The following PTPRK variants were observed in gnomAD, a reference collection of about 807,000 sequenced individuals.
PTPRK encodes the protein protein tyrosine phosphatase receptor type K.
Under a neutral mutation model 178.0 loss-of-function variants are expected in PTPRK, and 75 were observed. The ratio of observed to expected loss-of-function variants is 0.42; its 90% CI spans 0.35 to 0.51. The LOEUF (loss-of-function observed/expected upper bound fraction) is 0.51. Ranked by LOEUF, PTPRK falls within the 20% of genes least tolerant of loss-of-function variation. The pLI, the probability that PTPRK is intolerant of heterozygous loss-of-function variation, is 0.02. For synonymous variants in PTPRK, 637 were observed against 620.6 expected (o/e 1.03, Z -0.39); for missense variants, 1,441 against 1,797.8 (o/e 0.80, Z 3.59).
intron 1 of PTPRK, among the ~76,000 whole-genome samples, chr6:128,412,601 G>C (rs1431009818): frequency 6.6e-6 from 1 of 152,242 alleles, no homozygotes; most frequent in East Asian, 1.9e-4. Context: ...TAGGCCAGCA[G>C]CCTCATATGA....
At chr6:128,144,161 T>C (rs1796156078) in intron 7 of PTPRK, among the ~76,000 whole-genome samples, 1 of 152,140 alleles carries the variant, frequency 6.6e-6, no homozygotes, top group Admixed American at 6.6e-5. Flanking sequence ...CCCTCTTCCC[T>C]TCCTCAAACA....
intron 1 of PTPRK, among the ~76,000 whole-genome samples, chr6:128,516,183 G>C (rs1857985657): frequency 6.6e-6 from 1 of 152,148 alleles, no homozygotes; most frequent in Non-Finnish European, 1.5e-5. Flanking sequence ...GAAAAGAGTA[G>C]GAGGGAGTGT....
intron 6 of PTPRK, among the ~76,000 whole-genome samples, chr6:128,215,677 A>G (rs1474810787): frequency 6.6e-6 from 1 of 152,178 alleles, no homozygotes; most frequent in Non-Finnish European, 1.5e-5. Flanking sequence ...TGTAACAAAC[A>G]GCAACAAAAA....
rs189469835 is a variant in PTPRK, at chr6:128,341,557, T to C, written c.224-19247A>G. ...TTTTAATTTTTCTGAAGAAAAACATTTTTTCAAAAAGATGCTTCAAGATAT... is the reference window on the plus strand; with the variant it reads ...TTTTAATTTTTCTGAAGAAAAACATCTTTTCAAAAAGATGCTTCAAGATAT... On this transcript the variant is annotated intron_variant, in intron 2 of 29. Transcript: ENST00000368226. Among the ~76,000 whole-genome samples the C allele has an allele frequency of 1.8e-4, 28 of 152,316 alleles. No individual in the cohort carries two copies. The East Asian group carries it at 5.4e-3, about 29-fold the overall frequency.
At chr6:128,455,759 G>A (rs1456462925) in intron 1 of PTPRK, among the ~76,000 whole-genome samples, 1 of 152,134 alleles carries the variant, frequency 6.6e-6, no homozygotes, top group Non-Finnish European at 1.5e-5. Context: ...TTTTAGAGGA[G>A]AGAAGAACAC....
At chr6:128,103,588 C>T (rs559396130) in intron 7 of PTPRK, among the ~76,000 whole-genome samples, 7 of 152,260 alleles carry the variant, frequency 4.6e-5, no homozygotes, top group Middle Eastern at 6.8e-3. Flanking sequence ...AGCCACACCC[C>T]TGTTGAACAT....
At chr6:128,143,441 TATA>T (rs922821552) in intron 7 of PTPRK, among the ~76,000 whole-genome samples, 3 of 152,210 alleles carry the variant, frequency 2.0e-5, no homozygotes, top group Non-Finnish European at 4.4e-5. Context: ...AACATGGTAC[TATA>T]ATAATACTAC....
intron 1 of PTPRK, among the ~76,000 whole-genome samples, chr6:128,403,571 CA>C (rs1841294072): frequency 6.6e-6 from 1 of 150,914 alleles, no homozygotes. Flanking sequence ...TCCTAACACC[CA>C]ACACAGTTTT....
chr6:128,152,903 A>C (rs766829576), intron 7 of PTPRK, among the ~76,000 whole-genome samples: 2 of 151,998 alleles, frequency 1.3e-5, no homozygotes, highest in African/African-American at 2.4e-5. Context: ...ACATCATCTA[A>C]GTCTAGAGGC....
In PTPRK at chr6:128,311,410, G is replaced by A. The variant is rs186190941; in HGVS notation, c.495+10629C>T. On this transcript the variant is annotated intron_variant, in intron 3 of 29. Transcript: ENST00000368226. ...GCCTCTTCTGAGTGGTCCAAGCACCGAGGAGTCAGACAGAAAAATCTCCCA... is the reference window on the plus strand; with the variant it reads ...GCCTCTTCTGAGTGGTCCAAGCACCAAGGAGTCAGACAGAAAAATCTCCCA... 3.3e-3 allele frequency among the ~76,000 whole-genome samples: 507 copies of A among 152,166 alleles called. 3 individuals are homozygous for A. Among genetic ancestry groups the A allele is most frequent in the Middle Eastern group, 6.8e-3 (2 of 294 alleles).
At chr6:128,467,272 T>C (rs1055982785) in intron 1 of PTPRK, among the ~76,000 whole-genome samples, 6 of 152,184 alleles carry the variant, frequency 3.9e-5, no homozygotes, top group Non-Finnish European at 7.3e-5. Context: ...GCAGGAGCCA[T>C]TGGACTGGCC....
At chr6:128,000,090 AC>A in intron 15 of PTPRK, 4 of 970,294 alleles carry the variant, frequency 4.1e-6, no homozygotes, top group Non-Finnish European at 4.9e-6. Context: ...AAAAAAAAAA[AC>A]AAATGTTTTA....
Position 128,438,417 on chromosome 6 carries a change from A to C in PTPRK, c.101-40729T>G, listed in dbSNP as rs957102762. The stretch of plus-strand genomic sequence containing the variant: ...CGCCAGCAGGGAATTCTGTAAGAAG[A>C]ATCTACTCTATCACTGCCAGGGCAC... On this transcript the variant is annotated intron_variant, in intron 1 of 29. Coordinates refer to ENST00000368226, the MANE Select transcript of PTPRK (RefSeq NM_002844.4). Among the ~76,000 whole-genome samples the C allele has an allele frequency of 3.0e-4, 46 of 152,234 alleles. 1 individual carries two copies. Among genetic ancestry groups the C allele is most frequent in the South Asian group, 2.1e-4 (1 of 4,832 alleles).
chr6:128,438,860 A>T (rs1199251479), intron 1 of PTPRK, among the ~76,000 whole-genome samples: 1 of 152,150 alleles, frequency 6.6e-6, no homozygotes. Flanking sequence ...TACACAAAAA[A>T]TACTTCCAAT....
At chr6:128,252,934 T>C (rs1313134401) in intron 3 of PTPRK, among the ~76,000 whole-genome samples, 2 of 152,200 alleles carry the variant, frequency 1.3e-5, no homozygotes, top group Non-Finnish European at 2.9e-5. Flanking sequence ...TCATTCCTAA[T>C]GTCTGACACC....
chr6:128,219,591 G>C (rs1457451232), intron 5 of PTPRK, among the ~76,000 whole-genome samples: 1 of 152,154 alleles, frequency 6.6e-6, no homozygotes, highest in African/African-American at 2.4e-5. Context: ...CTGGGGGTTG[G>C]GGACCCCTGC....
chr6:128,492,844 C>A (rs1854027743), intron 1 of PTPRK, among the ~76,000 whole-genome samples: 1 of 152,336 alleles, frequency 6.6e-6, no homozygotes, highest in South Asian at 2.1e-4. Context: ...TAGTGCCACA[C>A]TTTCCACCTA....
At chr6:128,029,489 A>G (rs540271982) in intron 13 of PTPRK, among the ~76,000 whole-genome samples, 1 of 152,048 alleles carries the variant, frequency 6.6e-6, no homozygotes, top group East Asian at 1.9e-4. Flanking sequence ...GATCACTACT[A>G]AAAATACAAA....
At chr6:128,000,188 T>G in intron 15 of PTPRK, 1 of 1,013,670 alleles carries the variant, frequency 9.9e-7, no homozygotes, top group Non-Finnish European at 1.2e-6. Context: ...TTTTTAATGA[T>G]AATGCATACT....
Sources: gnomAD v4.1 joint callset for allele counts (sites outside exome capture counted in the v4.1 genomes callset) on GRCh38, gnomAD v4.1.1 for gene constraint, MANE v1.5 for transcripts, NCBI Gene and HGNC (gene_info 2026-07-23, HGNC 2026-07-21) for gene names.